PCDHGA3: variants seen among roughly 807,000 people sequenced by gnomAD.
PCDHGA3 encodes the protein protocadherin gamma-A3.
Under a neutral mutation model 58.5 loss-of-function variants are expected in PCDHGA3, and 40 were observed. The observed-to-expected ratio is 0.68, with a 90% CI of 0.53 to 0.89. The LOEUF is 0.89. PCDHGA3 is among the 40% of genes least tolerant of loss of function. The probability of loss-of-function intolerance (pLI) is 0.00; values close to 1 mark genes in which losing one functional copy is unlikely to be tolerated. For synonymous variants in PCDHGA3, 530 were observed against 525.7 expected (o/e 1.01, Z -0.11); for missense variants, 1,223 against 1,195.9 (o/e 1.02, Z -0.33).
intron 1 of PCDHGA3, chr5:141,415,281 C>T (rs1321418691): frequency 6.2e-7 from 1 of 1,614,080 alleles, no homozygotes; most frequent in African/African-American, 1.3e-5. Context: ...TAGCGGTGGC[C>T]GCGGTCTCCT....
At position 141,459,533 on chromosome 5, in the gene PCDHGA3, A is replaced by AT. The variant is rs956234847; in HGVS notation, c.2425-35266dup. Among the ~76,000 whole-genome samples the AT allele has an allele frequency of 1.2e-4, 18 of 152,018 alleles. No homozygotes were observed. In the South Asian group the frequency reaches 2.3e-3, roughly 19 times the overall value. ...CATGTACAAGTATTTTTGTAGGCAT[A>AT]TTTTTTTTATTTCTCTTGGATAAAT... is the stretch of plus-strand genomic sequence containing the variant. On this transcript the variant is annotated intron_variant, in intron 1 of 3. Transcript: ENST00000253812.
chr5:141,489,900 A>G lies in PCDHGA3; in HGVS notation c.2425-4907A>G, dbSNP rs963522810. The stretch of plus-strand genomic sequence containing the variant: ...TTACTGCTGTGGATGGGGGGACCCC[A>G]GCCCGCTCAGGGACCACCCTTATCT... On this transcript the variant is annotated intron_variant, in intron 1 of 3. Transcript: ENST00000253812. The surrounding 1 kb of genome is among the most constrained non-coding windows in gnomAD (Gnocchi z 4.5). The G allele has an allele frequency of 1.9e-6, 3 of 1,614,254 alleles. No homozygotes were observed. The highest frequency in any genetic ancestry group is 1.7e-5 in the Admixed American group (1 of 60,026).
intron 1 of PCDHGA3, chr5:141,383,938 G>A: frequency 6.2e-7 from 1 of 1,613,866 alleles, no homozygotes; most frequent in Non-Finnish European, 8.5e-7. Context: ...TGCTCCAGAA[G>A]TGACTATGAC....
At chr5:141,375,119 G>A in intron 1 of PCDHGA3, 1 of 1,613,940 alleles carries the variant, frequency 6.2e-7, no homozygotes, top group Non-Finnish European at 8.5e-7. Flanking sequence ...TAATGTACCA[G>A]AAGTGGTTGT....
chr5:141,412,967 A>G, intron 1 of PCDHGA3: 1 of 520,650 alleles, frequency 1.9e-6, no homozygotes, highest in Non-Finnish European at 3.3e-6. Context: ...CTACTAGGAG[A>G]GAAAACGCAG....
chr5:141,380,379 A>G (rs1484471466), intron 1 of PCDHGA3, among the ~76,000 whole-genome samples: 1 of 152,244 alleles, frequency 6.6e-6, no homozygotes, highest in Non-Finnish European at 1.5e-5. Context: ...AGTCCCAAAA[A>G]AGAAAAGAGA....
At chr5:141,494,680 C>A in intron 1 of PCDHGA3, 127 bp from the exon 2 acceptor site, 1 of 1,560,094 alleles carries the variant, frequency 6.4e-7, no homozygotes, top group Non-Finnish European at 8.7e-7. Flanking sequence ...CCACCCCTGC[C>A]CCCTCTTAGT....
intron 1 of PCDHGA3, among the ~76,000 whole-genome samples, chr5:141,435,547 G>T (rs2097769325): frequency 6.6e-6 from 1 of 152,114 alleles, no homozygotes. Context: ...AACAAAATGT[G>T]TTTTGAGTGC....
chr5:141,415,754 T>TTTTG, intron 1 of PCDHGA3: 1 of 1,385,736 alleles, frequency 7.2e-7, no homozygotes, highest in Non-Finnish European at 9.3e-7. Flanking sequence ...TTTTTTTTTT[T>TTTTG]TTTTTTTTTT....
intron 1 of PCDHGA3, chr5:141,370,202 A>G (rs1766737926): frequency 3.7e-6 from 2 of 546,378 alleles, no homozygotes; most frequent in Non-Finnish European, 6.3e-6. Context: ...GCTGTGCAAA[A>G]TATTGGCTCC....
At chr5:141,403,949 G>C (rs1167033357) in intron 1 of PCDHGA3, 2 of 1,613,886 alleles carry the variant, frequency 1.2e-6, no homozygotes, top group Non-Finnish European at 1.7e-6. Flanking sequence ...GTGGACAAAA[G>C]TGCTCATTTC....
chr5:141,389,610 G>T (rs1488136363), intron 1 of PCDHGA3: 1 of 1,613,000 alleles, frequency 6.2e-7, no homozygotes, highest in Admixed American at 1.7e-5. Context: ...CTTCGATATG[G>T]TGCCGCACGC....
In PCDHGA3 at chr5:141,487,439, T is replaced by C. The variant is rs201458212; in HGVS notation, c.2425-7368T>C. 1 of 1,613,926 alleles carries C rather than the reference T, an allele frequency of 6.2e-7. No individual in the cohort carries two copies. Among genetic ancestry groups the C allele is most frequent in the South Asian group, 1.1e-5 (1 of 91,066 alleles). ...TGGGATCCTCCGAATCCAGCTAGGG[T>C]CAGATGACCCTATCAAGTTTGTTGA... is the stretch of plus-strand genomic sequence containing the variant. On this transcript the variant is annotated intron_variant, in intron 1 of 3. Transcript: ENST00000253812. This position sits in a 1 kb window ranked among gnomAD's most constrained non-coding sequence, Gnocchi z 5.0.
intron 1 of PCDHGA3, chr5:141,402,858 G>A: frequency 1.4e-6 from 2 of 1,427,466 alleles, no homozygotes; most frequent in Admixed American, 2.9e-5. Context: ...TTTCTTCTAA[G>A]GAAAAGATCA....
intron 1 of PCDHGA3, chr5:141,390,623 T>C (rs2092193421): frequency 3.8e-6 from 1 of 264,274 alleles, no homozygotes; most frequent in African/African-American, 2.3e-5. Flanking sequence ...TGTTGACTAA[T>C]ATATGATGAA....
At chr5:141,402,162 A>T (rs2150923142) in intron 1 of PCDHGA3, among the ~76,000 whole-genome samples, 1 of 152,306 alleles carries the variant, frequency 6.6e-6, no homozygotes, top group East Asian at 1.9e-4. Context: ...TTAGGCGAGA[A>T]CATCTGTAAC....
At chr5:141,351,054 A>T in intron 1 of PCDHGA3, 1 of 1,614,056 alleles carries the variant, frequency 6.2e-7, no homozygotes, top group Non-Finnish European at 8.5e-7. Context: ...ATGGCCACAG[A>T]CCAGGATGAG....
In PCDHGA3 at chr5:141,432,571, G is replaced by A. The variant is rs776214748; in HGVS notation, c.2425-62236G>A. On this transcript the variant is annotated intron_variant, in intron 1 of 3. Coordinates refer to ENST00000253812, the MANE Select transcript of PCDHGA3 (RefSeq NM_018916.4). The surrounding 1 kb of genome is among the most constrained non-coding windows in gnomAD (Gnocchi z 6.0). ...GAGACTCCGGCCAGAACGCCTGGCT[G>A]TCCTACCGTCTGCTCAAGGCCAGCG... is the stretch of plus-strand genomic sequence containing the variant. 1.2e-6 allele frequency: 2 copies of A among 1,613,954 alleles called. No homozygotes were observed. Among genetic ancestry groups the A allele is most frequent in the South Asian group, 1.1e-5 (1 of 91,068 alleles).
intron 1 of PCDHGA3, chr5:141,405,106 C>G: frequency 6.2e-7 from 1 of 1,613,964 alleles, no homozygotes; most frequent in Non-Finnish European, 8.5e-7. Flanking sequence ...GGCTGAGGCA[C>G]TGGCACTCCT....
Sources: gnomAD v4.1 joint callset for allele counts (sites outside exome capture counted in the v4.1 genomes callset) on GRCh38, gnomAD v4.1.1 for gene constraint, Gnocchi (gnomAD v3.1) non-coding constraint, MANE v1.5 for transcripts, NCBI Gene and HGNC (gene_info 2026-07-23, HGNC 2026-07-21) for gene names.